The following ROBO2 variants were observed in gnomAD, a reference collection of about 807,000 sequenced individuals.
ROBO2 encodes roundabout homolog 2.
Under a neutral mutation model 160.8 loss-of-function variants are expected in ROBO2, and 53 were observed. The observed-to-expected ratio is 0.33, with a 90% CI of 0.26 to 0.41. The LOEUF is 0.41. ROBO2 is among the 10% of genes least tolerant of loss of function. ROBO2 has a pLI of 1.00. For synonymous variants in ROBO2, 664 were observed against 611.7 expected, an observed-to-expected ratio of 1.09 and a Z score of -1.26; for missense variants, 1,577 against 1,722.4, an observed-to-expected ratio of 0.92 and a Z score of 1.49.
At chr3:77,642,819 G>T (rs1466280501) in intron 24 of ROBO2, 1 of 456,646 alleles carries the variant, frequency 2.2e-6, no homozygotes, top group East Asian at 7.0e-5. Context: ...AAGACACAAA[G>T]AGCTCATTGG....
chr3:77,018,846 A>G (rs2062445527), intron 2 of ROBO2, among the ~76,000 whole-genome samples: 1 of 152,208 alleles, frequency 6.6e-6, no homozygotes, highest in African/African-American at 2.4e-5. Flanking sequence ...GGTGGTTGAC[A>G]GAGGCTAAGG....
At chr3:77,597,565 G>A (rs555586671) in intron 19 of ROBO2, among the ~76,000 whole-genome samples, 8 of 152,216 alleles carry the variant, frequency 5.3e-5, no homozygotes, top group African/African-American at 1.4e-4. Flanking sequence ...TTCCGTTGGT[G>A]GAAGATTGTA....
intron 2 of ROBO2, among the ~76,000 whole-genome samples, chr3:76,932,088 T>C (rs1340929307): frequency 1.3e-5 from 2 of 152,190 alleles, no homozygotes; most frequent in African/African-American, 4.8e-5. Context: ...CAAGTCATTT[T>C]TTCAGCTTCT....
intron 2 of ROBO2, among the ~76,000 whole-genome samples, chr3:76,975,307 C>T (rs867128406): frequency 6.6e-6 from 1 of 152,078 alleles, no homozygotes; most frequent in Non-Finnish European, 1.5e-5. Flanking sequence ...GAGTTCGAGA[C>T]CAGCCTGGCC....
Position 77,264,538 on chromosome 3 carries a change from GT to G in ROBO2, c.388+166207del, listed in dbSNP as rs5850320. ...AATGTTAACTGTACATGTTCATAAT[GT>G]TTTTTTTTAATTCTAAAAAAGATCT... On this transcript the variant is annotated intron_variant, in intron 2 of 25. Coordinates refer to ENST00000461745, the Ensembl canonical transcript of ROBO2. Among the ~76,000 whole-genome samples the G allele has an allele frequency of 9.8e-3, 1,482 of 151,592 alleles. 18 individuals carry two copies. The highest frequency in any genetic ancestry group is 0.032 in the African/African-American group (1,340 of 41,356).
chr3:76,144,294 C>G (rs1334080438), intron 2 of ROBO2, among the ~76,000 whole-genome samples: 1 of 151,878 alleles, frequency 6.6e-6, no homozygotes, highest in Non-Finnish European at 1.5e-5. Context: ...TGATAAAGAT[C>G]TTGAGAAAAA....
At chr3:77,127,898 C>CAA (rs2075490844) in intron 2 of ROBO2, among the ~76,000 whole-genome samples, 3 of 152,102 alleles carry the variant, frequency 2.0e-5, no homozygotes, top group African/African-American at 7.2e-5. Context: ...CCATTCAATC[C>CAA]TAGTTATAGA....
chr3:76,813,989 A>G (rs889238567), intron 2 of ROBO2, among the ~76,000 whole-genome samples: 4 of 152,176 alleles, frequency 2.6e-5, no homozygotes, highest in African/African-American at 4.8e-5. Flanking sequence ...AAAGTATAAG[A>G]AAGTCATTCC....
intron 2 of ROBO2, among the ~76,000 whole-genome samples, chr3:77,270,945 T>TA (rs34427104): frequency 2.3e-4 from 33 of 146,126 alleles, no homozygotes; most frequent in African/African-American, 1.5e-4. Context: ...TCTGTCTTTT[T>TA]AAAAAAAAAA....
chr3:77,015,495 C>G (rs1207679583), intron 2 of ROBO2, among the ~76,000 whole-genome samples: 1 of 152,140 alleles, frequency 6.6e-6, no homozygotes, highest in Non-Finnish European at 1.5e-5. Flanking sequence ...AACCTATAAC[C>G]ATCCACGATT....
At chr3:77,066,013 T>A (rs2149800389) in intron 1 of ROBO2, among the ~76,000 whole-genome samples, 2 of 152,264 alleles carry the variant, frequency 1.3e-5, no homozygotes, top group South Asian at 4.1e-4. Flanking sequence ...AAAATGCTTT[T>A]CTAGGTCATG....
chr3:77,371,397 C>T (rs2071732537), intron 2 of ROBO2, among the ~76,000 whole-genome samples: 2 of 150,646 alleles, frequency 1.3e-5, no homozygotes, highest in Admixed American at 1.3e-4. Context: ...TCCTGCCTCC[C>T]TTCTCCCTTT....
intron 2 of ROBO2, among the ~76,000 whole-genome samples, chr3:76,356,832 C>T (rs1054518747): frequency 6.6e-6 from 1 of 151,650 alleles, no homozygotes; most frequent in Admixed American, 6.6e-5. Context: ...TCGTAGAAAA[C>T]GTTGACCAAG....
At chr3:77,544,110 GT>G (rs36057995) in intron 6 of ROBO2, among the ~76,000 whole-genome samples, 36,499 of 142,210 alleles carry the variant, frequency 0.26, 4,313 homozygotes, top group Non-Finnish European at 0.29. Context: ...AACCTTAAGT[GT>G]TTTTTTTTTT....
intron 2 of ROBO2, among the ~76,000 whole-genome samples, chr3:76,500,906 G>A (rs190169518): frequency 1.6e-4 from 24 of 152,058 alleles, no homozygotes; most frequent in African/African-American, 5.8e-4. Context: ...TATTTTTTAG[G>A]GGTTATGAAT....
intron 2 of ROBO2, among the ~76,000 whole-genome samples, chr3:76,608,798 C>T (rs2087854961): frequency 6.6e-6 from 1 of 152,042 alleles, no homozygotes; most frequent in Non-Finnish European, 1.5e-5. Context: ...TCCAGTTTTT[C>T]CAGCACCTTG....
chr3:76,602,493 C>A lies in ROBO2; in HGVS notation c.110-495521C>A, dbSNP rs138658550. 4.4e-3 allele frequency among the ~76,000 whole-genome samples: 674 copies of A among 152,290 alleles called. 5 individuals carry two copies. Among genetic ancestry groups the A allele is most frequent in the African/African-American group, 0.015 (638 of 41,562 alleles). On this transcript the variant is annotated intron_variant, in intron 2 of 26. Coordinates refer to the ROBO2 transcript ENST00000487694. ...GTTCCACGTGGTGGGGGAGGCCTCA[C>A]AATCATGGTGGAAGGTGAAAGACCC...
At chr3:77,417,789 G>A (rs1047923824) in intron 2 of ROBO2, among the ~76,000 whole-genome samples, 2 of 151,948 alleles carry the variant, frequency 1.3e-5, no homozygotes, top group African/African-American at 4.8e-5. Flanking sequence ...TCATATGAAT[G>A]TATTATCATC....
intron 2 of ROBO2, among the ~76,000 whole-genome samples, chr3:76,065,425 G>A (rs9833153): frequency 0.62 from 94,278 of 151,760 alleles, 29,952 homozygotes; most frequent in African/African-American, 0.74. Flanking sequence ...GACAACAATC[G>A]TGTTGTGTTG....
Sources: allele counts gnomAD v4.1 joint callset (sites outside exome capture counted in the v4.1 genomes callset), GRCh38; gene constraint gnomAD v4.1.1; transcripts MANE v1.5; gene names NCBI Gene and HGNC (gene_info 2026-07-23, HGNC 2026-07-21).